PPP4R1: variants seen among roughly 807,000 people sequenced by gnomAD.
PPP4R1 encodes the protein serine/threonine-protein phosphatase 4 regulatory subunit 1.
In PPP4R1, 42 loss-of-function variants were observed where a neutral mutation model predicts 111.2. The ratio of observed to expected loss-of-function variants is 0.38; its 90% CI spans 0.29 to 0.49. The LOEUF is 0.49. PPP4R1 is among the 20% of genes least tolerant of loss of function. PPP4R1 has a pLI of 0.97. For synonymous variants in PPP4R1, 409 were observed against 405.5 expected (o/e 1.01, Z -0.10); for missense variants, 1,012 against 1,161.6 (o/e 0.87, Z 1.87).
intron 10 of PPP4R1, among the ~76,000 whole-genome samples, chr18:9,574,692 T>C (rs2066911252): frequency 6.6e-6 from 1 of 152,194 alleles, no homozygotes; most frequent in Non-Finnish European, 1.5e-5. Flanking sequence ...GGATGATAGA[T>C]GCCAATATGT....
At chr18:9,555,064 G>A (rs1485443719) in intron 15 of PPP4R1, among the ~76,000 whole-genome samples, 1 of 152,200 alleles carries the variant, frequency 6.6e-6, no homozygotes, top group Non-Finnish European at 1.5e-5. Flanking sequence ...AACTTTGGGA[G>A]GCTAAGGCGG....
rs961559855 is a variant in PPP4R1 at position 9,614,527 on chromosome 18, G to T, written c.-43C>A. 3 of 1,010,082 alleles carry T rather than the reference G, an allele frequency of 3.0e-6. No individual in the cohort carries two copies. Among genetic ancestry groups the T allele is most frequent in the East Asian group, 9.0e-5 (1 of 11,076 alleles). The allele number at this position is 1,010,082 out of a possible 1,614,324, so 62.6% of individuals were successfully genotyped here. A position where few individuals can be genotyped will look rare whatever the true frequency, so the allele number is the denominator to read the frequency against. ...CTCCGCGGCCGCCCGGGGAGCCGGG[G>T]CTACATGGAGCGGCGCGAGCCGGGG... On this transcript the variant is annotated 5_prime_UTR_variant, in exon 1 of 20. Transcript: ENST00000400556. The surrounding 1 kb of genome is among the most constrained non-coding windows in gnomAD (Gnocchi z 4.1).
At chr18:9,581,910 G>A (rs2067035806) in intron 9 of PPP4R1, among the ~76,000 whole-genome samples, 1 of 152,084 alleles carries the variant, frequency 6.6e-6, no homozygotes, top group African/African-American at 2.4e-5. Context: ...AGAGGTCTGA[G>A]GCAGTGGCAT....
At chr18:9,567,688 G>A (rs563210186) in intron 11 of PPP4R1, among the ~76,000 whole-genome samples, 1 of 152,318 alleles carries the variant, frequency 6.6e-6, no homozygotes, top group Non-Finnish European at 1.5e-5. Flanking sequence ...TGAGAAGACT[G>A]ACTCTAATTT....
intron 2 of PPP4R1, chr18:9,612,417 T>C (rs967088617): frequency 1.3e-5 from 2 of 152,314 alleles, no homozygotes; most frequent in African/African-American, 4.8e-5. Context: ...CTAGAGGGCA[T>C]GGGTTGTGCC....
chr18:9,596,094 G>C (rs1031913016), intron 2 of PPP4R1, among the ~76,000 whole-genome samples: 1 of 152,138 alleles, frequency 6.6e-6, no homozygotes, highest in Admixed American at 6.5e-5. Context: ...TAGTAAACTG[G>C]ATTAGATTAC....
At chr18:9,562,136 TCTTA>T in intron 12 of PPP4R1, 61 bp from the exon 13 acceptor site, 2 of 1,275,956 alleles carry the variant, frequency 1.6e-6, no homozygotes, top group Non-Finnish European at 2.3e-6. Flanking sequence ...ATTTAAGCTA[TCTTA>T]CTAAGTTACT....
intron 15 of PPP4R1, 71 bp downstream of exon 15, chr18:9,557,150 T>C (rs549788901): frequency 9.4e-6 from 13 of 1,387,748 alleles, no homozygotes; most frequent in East Asian, 7.1e-5. Flanking sequence ...CTCTTGGTGA[T>C]AGCAGAAGAT....
chr18:9,583,358 C>T (rs750028636), intron 8 of PPP4R1, 83 bp from the exon 9 acceptor site: 66 of 1,281,246 alleles, frequency 5.2e-5, no homozygotes, highest in South Asian at 2.8e-4. Flanking sequence ...TCTGCTTTCA[C>T]GCTTCTTTTG....
At chr18:9,601,579 G>A (rs150948877) in intron 2 of PPP4R1, among the ~76,000 whole-genome samples, 4,902 of 151,980 alleles carry the variant, frequency 0.032, 87 homozygotes, top group Middle Eastern at 0.037. Flanking sequence ...TGCAACCTCC[G>A]CCTCCCAGGT....
chr18:9,555,166 G>A (rs1310492089), intron 15 of PPP4R1, among the ~76,000 whole-genome samples: 2 of 152,054 alleles, frequency 1.3e-5, no homozygotes, highest in Non-Finnish European at 2.9e-5. Context: ...AGTTGGGCGT[G>A]GTGGTGCGCC....
chr18:9,598,754 G>A (rs1229445431), intron 2 of PPP4R1, among the ~76,000 whole-genome samples: 2 of 152,172 alleles, frequency 1.3e-5, no homozygotes, highest in Non-Finnish European at 2.9e-5. Context: ...GCCAGGCACA[G>A]TGGCTCACGC....
chr18:9,603,301 T>C (rs918926461), intron 2 of PPP4R1, among the ~76,000 whole-genome samples: 1 of 130,444 alleles, frequency 7.7e-6, no homozygotes, highest in African/African-American at 3.4e-5. Flanking sequence ...TATTATCTCA[T>C]TCTAAGCAAT....
Position 9,563,378 on chromosome 18 carries a change from C to T in PPP4R1, c.1746G>A (p.Glu582=). The change falls in exon 12 of 20, where the codon GAG becomes GAA. Residue 582 remains glutamate (E), a splice_region_variant and synonymous_variant. Coordinates refer to ENST00000400556, the MANE Select transcript of PPP4R1 (RefSeq NM_001042388.3). ...GTAAACACTTTACTGAGTTTGTTAC[C>T]TCAACAGCATCGCTGATTAAAGGCA... ...DSVPLISDAV[E]NMDSTLHYIH... The T allele has an allele frequency of 6.2e-7, 1 of 1,607,632 alleles. No homozygotes were observed. Among genetic ancestry groups the T allele is most frequent in the Non-Finnish European group, 8.5e-7 (1 of 1,176,920 alleles).
At chr18:9,576,955 G>C (rs567446309) in intron 10 of PPP4R1, 109 bp downstream of exon 10, 10 of 1,090,014 alleles carry the variant, frequency 9.2e-6, no homozygotes, top group Non-Finnish European at 1.3e-5. Context: ...AAGAGAAATA[G>C]CAAACTATCA....
chr18:9,570,810 A>C, intron 10 of PPP4R1, 127 bp from the exon 11 acceptor site: 1 of 1,025,974 alleles, frequency 9.7e-7, no homozygotes, highest in Non-Finnish European at 1.4e-6. Context: ...TTATCTGTAC[A>C]AACTGAGTTT....
chr18:9,571,133 C>T (rs916280901), intron 10 of PPP4R1, among the ~76,000 whole-genome samples: 1 of 152,128 alleles, frequency 6.6e-6, no homozygotes, highest in African/African-American at 2.4e-5. Flanking sequence ...AGCCTATTTG[C>T]TTACATTACA....
chr18:9,585,683 G>A (rs1007304024), intron 6 of PPP4R1, among the ~76,000 whole-genome samples: 2 of 152,108 alleles, frequency 1.3e-5, no homozygotes, highest in Admixed American at 1.3e-4. Context: ...AGTATGTTTA[G>A]GAAGGTTGTA....
chr18:9,554,127 A>ATT (rs529919666), intron 15 of PPP4R1, among the ~76,000 whole-genome samples: 22 of 141,112 alleles, frequency 1.6e-4, no homozygotes, highest in Admixed American at 3.6e-4. Flanking sequence ...CAAACAACTA[A>ATT]TTTTTTTTTT....
Sources: allele counts gnomAD v4.1 joint callset (sites outside exome capture counted in the v4.1 genomes callset), GRCh38; gene constraint gnomAD v4.1.1; non-coding constraint Gnocchi (gnomAD v3.1); transcripts MANE v1.5; gene names NCBI Gene and HGNC (gene_info 2026-07-23, HGNC 2026-07-21).